Variants in THOC2 observed in about 807,000 individuals in gnomAD.
THOC2 encodes the protein THO complex 2.
THOC2 carries 10 observed loss-of-function variants against 128.4 expected under a neutral mutation model. That is an observed-to-expected ratio of 0.08 (90% CI 0.05 to 0.13). The LOEUF is 0.13. Ranked by LOEUF, THOC2 falls within the 10% of genes least tolerant of loss-of-function variation. The probability of loss-of-function intolerance (pLI) is 1.00; values close to 1 mark genes in which losing one functional copy is unlikely to be tolerated. For synonymous variants in THOC2, 393 were observed against 396.9 expected, an observed-to-expected ratio of 0.99 and a Z score of 0.12; for missense variants, 535 against 1,155.7, an observed-to-expected ratio of 0.46 and a Z score of 7.79.
At chrX:123,687,660 G>A (rs574609641) in intron 7 of THOC2, among the ~76,000 whole-genome samples, 6 of 111,448 alleles carry the variant, frequency 5.4e-5, no homozygotes, top group Admixed American at 9.6e-5. Context: ...TTATATTAAC[G>A]CCACACTTAT....
Position 123,623,213 on chromosome X carries a change from G to A in THOC2, c.3574C>T (p.Pro1192Ser). The change falls in exon 29 of 39, where the codon CCT becomes TCT. Residue 1192 changes from proline to serine, a missense_variant. This residue lies in a region of THOC2 where 116 missense variants were observed against 180.0 expected (regional missense o/e 0.64). Transcript: ENST00000245838. ...ACACTGGCAACTGCATTCCTCGGAG[G>A]GGGGTCTTTGTGATGAAACTCATTT... The part of the protein sequence containing the change: ...PENEFHHKDP[P>S]PRNAVASVQN... 1 of 1,210,619 alleles carries A rather than the reference G, an allele frequency of 8.3e-7. No individual in the cohort carries two copies. Among genetic ancestry groups the A allele is most frequent in the South Asian group, 1.8e-5 (1 of 56,639 alleles).
chrX:123,613,383 T>C lies in THOC2; in HGVS notation c.4677+16A>G. On this transcript the variant is annotated intron_variant, in intron 36 of 38. Coordinates refer to ENST00000245838, the MANE Select transcript of THOC2 (RefSeq NM_001081550.2). The stretch of plus-strand genomic sequence containing the variant: ...TTTAAGATAAAGCATATTATTCCTT[T>C]ATTTTCCTAATTTACCTTTTTGCCA... 8.4e-7 allele frequency: 1 copy of C among 1,190,312 alleles called. No homozygotes were observed. Among genetic ancestry groups the C allele is most frequent in the Non-Finnish European group, 1.1e-6 (1 of 881,089 alleles).
At chrX:123,602,475 A>C (rs1461082744) in intron 38 of THOC2, 5 of 112,307 alleles carry the variant, frequency 4.5e-5, no homozygotes, top group Non-Finnish European at 7.5e-5. Flanking sequence ...GCCAAACACA[A>C]AAGGCCACAA....
At chrX:123,705,630 C>A (rs1249983316) in intron 3 of THOC2, among the ~76,000 whole-genome samples, 1 of 110,837 alleles carries the variant, frequency 9.0e-6, no homozygotes, top group Non-Finnish European at 1.9e-5. Flanking sequence ...GGGAAACTCA[C>A]AGAATTCCTA....
In THOC2 at chrX:123,663,673, A is replaced by T. The variant is rs193240022; in HGVS notation, c.1386+1969T>A. 1.6e-3 allele frequency among the ~76,000 whole-genome samples: 169 copies of T among 108,196 alleles called. 2 individuals are homozygous for T. The Middle Eastern group carries it at 0.019, about 12-fold the overall frequency. The allele number at this position is 108,196 out of a possible 115,157, so 94.0% of individuals were successfully genotyped here. On this transcript the variant is annotated intron_variant, in intron 12 of 38. Transcript: ENST00000245838. ...TCTAGGGTACATGTGCACAATGTGC[A>T]GGTTGGTTACATATGTATACATGTG...
intron 12 of THOC2, among the ~76,000 whole-genome samples, chrX:123,655,063 G>T (rs1359251882): frequency 9.0e-6 from 1 of 111,115 alleles, no homozygotes; most frequent in African/African-American, 3.3e-5. Flanking sequence ...CACTACTCAG[G>T]ATTATGTCTC....
intron 1 of THOC2, among the ~76,000 whole-genome samples, chrX:123,726,118 A>C (rs1314249106): frequency 9.0e-6 from 1 of 111,076 alleles, no homozygotes; most frequent in Non-Finnish European, 1.9e-5. Context: ...CTGAGGCAGG[A>C]GAATCACCTG....
At chrX:123,619,472 C>A in intron 32 of THOC2, 36 bp from the exon 33 acceptor site, 1 of 1,205,246 alleles carries the variant, frequency 8.3e-7, no homozygotes, top group South Asian at 1.8e-5. Context: ...GGTGAGCTGG[C>A]ATAGTTCTCA....
chrX:123,706,409 T>C (rs2050929681), intron 3 of THOC2, among the ~76,000 whole-genome samples: 1 of 110,976 alleles, frequency 9.0e-6, no homozygotes, highest in Non-Finnish European at 1.9e-5. Context: ...CTAGGGTACA[T>C]GTGCACAACG....
intron 1 of THOC2, among the ~76,000 whole-genome samples, chrX:123,716,905 C>A (rs1223615823): frequency 3.6e-4 from 37 of 101,776 alleles, no homozygotes; most frequent in Non-Finnish European, 6.6e-4. Flanking sequence ...GACTCCATAT[C>A]AAAAAAAAAA....
At chrX:123,642,191 C>T (rs979732053) in intron 15 of THOC2, among the ~76,000 whole-genome samples, 3 of 111,606 alleles carry the variant, frequency 2.7e-5, no homozygotes, top group South Asian at 3.7e-4. Flanking sequence ...TTTGGGAGGC[C>T]AAGGCGGGTG....
rs531044079 is a variant in THOC2, at chrX:123,643,282, G to A, written c.1661+1293C>T. 2.3e-4 allele frequency among the ~76,000 whole-genome samples: 26 copies of A among 111,420 alleles called. No individual in the cohort carries two copies. In the South Asian group the frequency reaches 1.0e-2, roughly 43 times the overall value. On this transcript the variant is annotated intron_variant, in intron 15 of 38. Coordinates refer to ENST00000245838, the MANE Select transcript of THOC2 (RefSeq NM_001081550.2). The stretch of plus-strand genomic sequence containing the variant: ...TGGATGCAGGGAGGGACAAACCAGG[G>A]AGGACCTCTTATTTATATCACCATG...
chrX:123,709,068 G>A (rs948294445), intron 2 of THOC2, among the ~76,000 whole-genome samples: 1 of 111,815 alleles, frequency 8.9e-6, no homozygotes, highest in Non-Finnish European at 1.9e-5. Context: ...TTTTCTAAAT[G>A]CCTATTTAAA....
intron 2 of THOC2, among the ~76,000 whole-genome samples, chrX:123,710,440 G>A (rs1223879131): frequency 1.8e-5 from 2 of 111,451 alleles, no homozygotes; most frequent in Non-Finnish European, 3.8e-5. Flanking sequence ...TTTAAACCCG[G>A]GGAAGAAAAA....
In THOC2 at chrX:123,654,329, A is replaced by C. The variant is rs773259267; in HGVS notation, c.1387-8954T>G. Among the ~76,000 whole-genome samples, 4 of 109,364 alleles carry C rather than the reference A, an allele frequency of 3.7e-5. No individual in the cohort carries two copies. In the South Asian group the frequency reaches 1.6e-3, roughly 44 times the overall value. The allele number at this position is 109,364 out of a possible 115,157, so 95.0% of individuals were successfully genotyped here. A position where few individuals can be genotyped will look rare whatever the true frequency, so the allele number is the denominator to read the frequency against. The stretch of plus-strand genomic sequence containing the variant: ...AGATGATGGGTTGATGGGTGCAGCA[A>C]ACCACCATGGCACGTGTATATCTAT... On this transcript the variant is annotated intron_variant, in intron 12 of 38. Coordinates refer to ENST00000245838, the MANE Select transcript of THOC2 (RefSeq NM_001081550.2).
intron 32 of THOC2, 37 bp from the exon 33 acceptor site, chrX:123,619,473 A>T (rs753647807): frequency 8.3e-7 from 1 of 1,206,750 alleles, no homozygotes; most frequent in South Asian, 1.8e-5. Context: ...GTGAGCTGGC[A>T]TAGTTCTCAG....
chrX:123,603,526 A>T, intron 38 of THOC2: 1 of 837,824 alleles, frequency 1.2e-6, no homozygotes, highest in Non-Finnish European at 1.8e-6. Context: ...CCTTGCTGTA[A>T]GAAACTGCCT....
chrX:123,638,668 A>AC (rs1569354979), intron 17 of THOC2, among the ~76,000 whole-genome samples: 1 of 104,421 alleles, frequency 9.6e-6, no homozygotes. Context: ...CACACACACA[A>AC]AAAAAAAAAG....
chrX:123,615,529 A>C (rs778528711), intron 33 of THOC2, among the ~76,000 whole-genome samples: 19 of 110,043 alleles, frequency 1.7e-4, no homozygotes, highest in African/African-American at 5.9e-4. Context: ...AGATTTTTCT[A>C]ATCGTGAGGT....
Sources: allele counts gnomAD v4.1 joint callset (sites outside exome capture counted in the v4.1 genomes callset), GRCh38; gene constraint gnomAD v4.1.1; regional missense constraint gnomAD v4.1.1; transcripts MANE v1.5; gene names NCBI Gene and HGNC (gene_info 2026-07-23, HGNC 2026-07-21).